The following ITPR1 variants were observed in gnomAD, a reference collection of about 807,000 sequenced individuals.
ITPR1 encodes the protein inositol 1,4,5-trisphosphate-gated calcium channel ITPR1.
ITPR1 carries 96 observed loss-of-function variants against 318.4 expected under a neutral mutation model. The observed-to-expected ratio is 0.30, with a 90% CI of 0.26 to 0.36. The LOEUF (loss-of-function observed/expected upper bound fraction) is 0.36, where lower values mean the gene tolerates loss of function less well. Ranked by LOEUF, ITPR1 falls within the 10% of genes least tolerant of loss-of-function variation. The probability of loss-of-function intolerance (pLI) is 1.00; values close to 1 mark genes in which losing one functional copy is unlikely to be tolerated. For missense variants in ITPR1, 2,440 were observed against 3,460.2 expected (o/e 0.71, Z 7.40); for synonymous variants, 1,312 against 1,289.9 (o/e 1.02, Z -0.37).
At chr3:4,528,464 C>T (rs974952353) in intron 4 of ITPR1, among the ~76,000 whole-genome samples, 69 of 152,176 alleles carry the variant, frequency 4.5e-4, no homozygotes, top group African/African-American at 1.5e-3. Flanking sequence ...TTCTTTCAAA[C>T]GACCCTCCTT....
rs201724780 is a variant in ITPR1, at chr3:4,661,151, A to AG, written c.1251+66dup. 2.8e-3 allele frequency: 2,513 copies of AG among 905,192 alleles called. 44 individuals are homozygous for AG. The African/African-American group carries it at 0.037, about 13-fold the overall frequency. The allele number at this position is 905,192 out of a possible 1,614,324, so 56.1% of individuals were successfully genotyped here. A position where few individuals can be genotyped will look rare whatever the true frequency, so the allele number is the denominator to read the frequency against. ...GTTTCCTAATGAAAGGGCTCCTTTG[A>AG]GGACAGATCAGGGAGTATGGAGCGT... On this transcript the variant is annotated intron_variant, in intron 14 of 61. Coordinates refer to ENST00000649015, the MANE Select transcript of ITPR1 (RefSeq NM_001378452.1).
In ITPR1 at chr3:4,704,326, C is replaced by T. The variant is rs529236493; in HGVS notation, c.4657+1376C>T. Among the ~76,000 whole-genome samples the T allele has an allele frequency of 1.4e-4, 22 of 152,298 alleles. No individual in the cohort carries two copies. In the South Asian group the frequency reaches 3.7e-3, roughly 26 times the overall value. ...ACTCAGGAGGCTGAGGCAGGAGAAT[C>T]GCTTGAACCTGGGAGGCGGAGGTTG... On this transcript the variant is annotated intron_variant, in intron 36 of 61. Coordinates refer to ENST00000649015, the MANE Select transcript of ITPR1 (RefSeq NM_001378452.1).
Position 4,670,802 on chromosome 3 carries a change from G to A in ITPR1, c.2080G>A (p.Glu694Lys), listed in dbSNP as rs2094060389. The change falls in exon 20 of 62, where the codon GAG becomes AAG. Residue 694 changes from glutamate (E) to lysine (K), a missense_variant. Physicochemically the swap from Glu to Lys is moderately conservative, Grantham distance 56. Transcript: ENST00000649015. ...GENALEAGED[E>K]EEVWLFWRDS... ...GAATGCTCTGGAGGCAGGAGAAGAC[G>A]AGGAAGAGGTGTGGCTGTTTTGGAG... 2.5e-6 allele frequency: 4 copies of A among 1,609,412 alleles called. No individual in the cohort carries two copies. The highest frequency in any genetic ancestry group is 3.4e-6 in the Non-Finnish European group (4 of 1,177,734).
intron 44 of ITPR1, among the ~76,000 whole-genome samples, chr3:4,766,234 T>C (rs2045809510): frequency 6.6e-6 from 1 of 151,928 alleles, no homozygotes. Context: ...TGTGCAAGGG[T>C]GGAAGGGAAT....
chr3:4,630,778 G>A (rs761901763), intron 5 of ITPR1, among the ~76,000 whole-genome samples: 18 of 151,956 alleles, frequency 1.2e-4, no homozygotes, highest in Admixed American at 4.6e-4. Context: ...AGTAGAGGCA[G>A]CATTTCACCA....
At chr3:4,791,216 A>C (rs912824560) in intron 52 of ITPR1, among the ~76,000 whole-genome samples, 9 of 152,168 alleles carry the variant, frequency 5.9e-5, no homozygotes, top group African/African-American at 1.7e-4. Context: ...TCTTTTTGCT[A>C]TAATGTAGCA....
chr3:4,605,906 G>C (rs1426695701), intron 4 of ITPR1, among the ~76,000 whole-genome samples: 1 of 152,122 alleles, frequency 6.6e-6, no homozygotes, highest in African/African-American at 2.4e-5. Context: ...AGGCAACAGG[G>C]AGTGGGGCCG....
chr3:4,545,622 CAAAAAAAAAA>C (rs56829358), intron 4 of ITPR1, among the ~76,000 whole-genome samples: 1 of 68,738 alleles, frequency 1.5e-5, no homozygotes, highest in African/African-American at 4.9e-5. Context: ...GACCCGGTCT[CAAAAAAAAAA>C]AAAAAAAAAG....
chr3:4,600,656 T>C (rs1282861018), intron 4 of ITPR1, among the ~76,000 whole-genome samples: 1 of 152,190 alleles, frequency 6.6e-6, no homozygotes, highest in African/African-American at 2.4e-5. Context: ...GTTTAGTAAC[T>C]GTAATGTGGG....
At chr3:4,554,484 C>T (rs1406063451) in intron 4 of ITPR1, among the ~76,000 whole-genome samples, 1 of 152,152 alleles carries the variant, frequency 6.6e-6, no homozygotes, top group Non-Finnish European at 1.5e-5. Context: ...TTGATGCTGG[C>T]TATGTGCCAG....
At chr3:4,527,216 G>A (rs1190274893) in intron 4 of ITPR1, among the ~76,000 whole-genome samples, 1 of 152,140 alleles carries the variant, frequency 6.6e-6, no homozygotes, top group African/African-American at 2.4e-5. Flanking sequence ...TCACTCTGTT[G>A]CCCAGGCTGG....
chr3:4,788,151 C>T lies in ITPR1; in HGVS notation c.6808+12C>T, dbSNP rs370766044. 99 of 1,586,784 alleles carry T rather than the reference C, an allele frequency of 6.2e-5. No individual in the cohort carries two copies. The South Asian group carries it at 8.4e-4, about 13-fold the overall frequency. On this transcript the variant is annotated intron_variant, in intron 52 of 61. Transcript: ENST00000649015. ...GAAGAAACTGAGAGGTGGGTTCCAA[C>T]GCATCAGCAACAACACAGAGAGACA...
intron 4 of ITPR1, among the ~76,000 whole-genome samples, chr3:4,587,735 C>A (rs2090045265): frequency 6.6e-6 from 1 of 152,078 alleles, no homozygotes; most frequent in Non-Finnish European, 1.5e-5. Context: ...GAAAAAGGAG[C>A]AAAATGGGAA....
chr3:4,493,406 A>AGAGGAG lies in ITPR1; in HGVS notation c.-281_-276dup, dbSNP rs560449083. ...TCCTCAAGCTCGCTGGGGTGGGAGG[A>AGAGGAG]GAGGAGGAGGAGGAGGTGGTGGTGG... On this transcript the variant is annotated 5_prime_UTR_variant, in exon 1 of 62. Coordinates refer to ENST00000649015, the MANE Select transcript of ITPR1 (RefSeq NM_001378452.1). 1 of 153,906 alleles carries AGAGGAG rather than the reference A, an allele frequency of 6.5e-6. No homozygotes were observed. Among genetic ancestry groups the AGAGGAG allele is most frequent in the Non-Finnish European group, 1.5e-5 (1 of 68,564 alleles). The allele number at this position is 153,906 out of a possible 1,614,324, so 9.5% of individuals were successfully genotyped here. A position where few individuals can be genotyped will look rare whatever the true frequency, so the allele number is the denominator to read the frequency against.
chr3:4,526,013 A>T (rs2082950371), intron 4 of ITPR1, among the ~76,000 whole-genome samples: 1 of 152,162 alleles, frequency 6.6e-6, no homozygotes, highest in African/African-American at 2.4e-5. Flanking sequence ...GGGCAATTAG[A>T]TAGGCTTTAG....
At chr3:4,786,543 C>T (rs1009721203) in intron 51 of ITPR1, among the ~76,000 whole-genome samples, 1 of 152,204 alleles carries the variant, frequency 6.6e-6, no homozygotes, top group Non-Finnish European at 1.5e-5. Flanking sequence ...CACGTTGCAT[C>T]CTGGGCCTCA....
intron 28 of ITPR1, 142 bp downstream of exon 28, chr3:4,683,940 T>A: frequency 1.2e-6 from 1 of 801,082 alleles, no homozygotes; most frequent in South Asian, 1.8e-5. Context: ...GATCACAAGC[T>A]GTTTGCCTAG....
chr3:4,828,114 ATG>A (rs1037744925), intron 60 of ITPR1, among the ~76,000 whole-genome samples: 2 of 151,976 alleles, frequency 1.3e-5, no homozygotes, highest in African/African-American at 2.4e-5. Context: ...ATTGGTGAGG[ATG>A]TGTGTGTGTG....
intron 44 of ITPR1, among the ~76,000 whole-genome samples, chr3:4,757,727 A>C (rs1373217705): frequency 1.3e-5 from 2 of 152,202 alleles, no homozygotes; most frequent in Non-Finnish European, 2.9e-5. Flanking sequence ...GAAATGAGAT[A>C]ATGCATATAA....
Sources: allele counts gnomAD v4.1 joint callset (sites outside exome capture counted in the v4.1 genomes callset), GRCh38; gene constraint gnomAD v4.1.1; transcripts MANE v1.5; gene names NCBI Gene and HGNC (gene_info 2026-07-23, HGNC 2026-07-21).